CLEC17A: variants seen among roughly 807,000 people sequenced by gnomAD.
CLEC17A encodes the protein C-type lectin domain containing 17A.
Under a neutral mutation model 61.3 loss-of-function variants are expected in CLEC17A, and 37 were observed. The observed-to-expected ratio is 0.60, with a 90% confidence interval of 0.46 to 0.79. The LOEUF is 0.79. Among genes scored for constraint, CLEC17A ranks in the 30% least tolerant of loss-of-function variants. CLEC17A has a pLI of 0.00. For synonymous variants in CLEC17A, 168 were observed against 164.9 expected, an observed-to-expected ratio of 1.02 and a Z score of -0.14; for missense variants, 418 against 464.7, an observed-to-expected ratio of 0.90 and a Z score of 0.92.
At chr19:14,582,096 T>A (rs1264175949), upstream of CLEC17A, among the ~76,000 whole-genome samples, 3 of 152,218 alleles carry the variant, frequency 2.0e-5, no homozygotes, top group Admixed American at 6.5e-5. Context: ...GCAGTTGCAT[T>A]CTTTAGCATA....
intron 10 of CLEC17A, among the ~76,000 whole-genome samples, chr19:14,598,507 C>G (rs992200235): frequency 5.3e-5 from 8 of 150,352 alleles, no homozygotes; most frequent in African/African-American, 2.0e-4. Context: ...GAATTTTGCT[C>G]TTGTTGCCCA....
At chr19:14,583,599 C>T (rs550188546) in intron 2 of CLEC17A, among the ~76,000 whole-genome samples, 165 bp downstream of exon 2, 15 of 151,760 alleles carry the variant, frequency 9.9e-5, no homozygotes, top group Admixed American at 7.2e-4. Context: ...AGTCTGATGG[C>T]GGAGGTGGGT....
At chr19:14,582,136 A>G (rs1247606346), upstream of CLEC17A, among the ~76,000 whole-genome samples, 4 of 152,028 alleles carry the variant, frequency 2.6e-5, no homozygotes, top group East Asian at 1.9e-4. Flanking sequence ...CAAAGCCAGC[A>G]TAACTTTAGT....
intron 1 of CLEC17A, 64 bp from the exon 2 acceptor site, chr19:14,583,293 C>T (rs2074208610): frequency 6.2e-7 from 1 of 1,611,618 alleles, no homozygotes; most frequent in Non-Finnish European, 8.5e-7. Flanking sequence ...GAGGCAGAGA[C>T]CAGGGCTTGA....
chr19:14,594,362 A>C, intron 4 of CLEC17A, 155 bp from the exon 5 acceptor site: 1 of 877,294 alleles, frequency 1.1e-6, no homozygotes, highest in Non-Finnish European at 1.8e-6. Context: ...ACTTAATCCC[A>C]TCTCCATCCC....
In CLEC17A at chr19:14,607,088, T is replaced by C; in HGVS notation, c.990T>C (p.Ser330=). 1 of 1,306,944 alleles carries C rather than the reference T, an allele frequency of 7.7e-7. No homozygotes were observed. Among genetic ancestry groups the C allele is most frequent in the Non-Finnish European group, 9.8e-7 (1 of 1,021,766 alleles). The allele number at this position is 1,306,944 out of a possible 1,614,324, so 81.0% of individuals were successfully genotyped here. The change falls in exon 13 of 14, where the codon TCT becomes TCC. Residue 330 remains serine, a synonymous_variant. Coordinates refer to ENST00000417570, the MANE Select transcript of CLEC17A (RefSeq NM_001204118.2). ...GGGACTGGAGGTGGCTGGATGGGTC[T>C]CCTGTGACATTAAGGCAAGTGCTTG... ...QEGDWRWLDG[S]PVTLSFWEPE...
At chr19:14,599,833 T>A (rs1301990413) in intron 11 of CLEC17A, 21 bp downstream of exon 11, 34 of 1,595,934 alleles carry the variant, frequency 2.1e-5, no homozygotes, top group Non-Finnish European at 2.7e-5. Context: ...CTTGGGGAAT[T>A]GCCCAGGGAT....
chr19:14,592,381 G>A, intron 4 of CLEC17A, 23 bp downstream of exon 4: 1 of 1,610,660 alleles, frequency 6.2e-7, no homozygotes, highest in Non-Finnish European at 8.5e-7. Flanking sequence ...TTTGGAGTGT[G>A]ACCTGGGGGA....
intron 4 of CLEC17A, among the ~76,000 whole-genome samples, chr19:14,593,320 C>T (rs1380471956): frequency 1.1e-4 from 15 of 133,778 alleles, no homozygotes; most frequent in African/African-American, 3.8e-4. Flanking sequence ...TATAGCAAGA[C>T]GCCCATCTCT....
chr19:14,602,368 C>A (rs2074741161), intron 12 of CLEC17A, among the ~76,000 whole-genome samples: 2 of 152,264 alleles, frequency 1.3e-5, no homozygotes, highest in South Asian at 4.1e-4. Context: ...CAGCTCATGG[C>A]AGCCTTGGCC....
chr19:14,607,492 C>T (rs182455151), intron 13 of CLEC17A, among the ~76,000 whole-genome samples: 134 of 150,836 alleles, frequency 8.9e-4, no homozygotes, highest in Admixed American at 2.0e-3. Context: ...CGTGAGCCAC[C>T]GCGCCCGGCC....
chr19:14,607,064 G>A lies in CLEC17A; in HGVS notation c.966G>A (p.Gly322=). 3.0e-6 allele frequency: 4 copies of A among 1,347,274 alleles called. No individual in the cohort carries two copies. Among genetic ancestry groups the A allele is most frequent in the Non-Finnish European group, 2.9e-6 (3 of 1,042,062 alleles). 83.5% of individuals were successfully genotyped at this position (1,347,274 alleles called of 1,614,324 possible). ...WLGLNDRAQE[G]DWRWLDGSPV... ...GGCTGAATGACAGGGCCCAGGAAGG[G>A]GACTGGAGGTGGCTGGATGGGTCTC... Residue 322 remains glycine, a synonymous_variant, in exon 13 of 14, where the codon GGG becomes GGA. Coordinates refer to ENST00000417570, the MANE Select transcript of CLEC17A (RefSeq NM_001204118.2).
At chr19:14,607,559 T>C (rs1363314822) in intron 13 of CLEC17A, among the ~76,000 whole-genome samples, 1 of 141,298 alleles carries the variant, frequency 7.1e-6, no homozygotes, top group Non-Finnish European at 1.5e-5. Flanking sequence ...TATTATTTAT[T>C]TATTTATTTA....
intron 3 of CLEC17A, among the ~76,000 whole-genome samples, chr19:14,591,556 CTTT>C (rs143983644): frequency 7.3e-6 from 1 of 136,836 alleles, no homozygotes; most frequent in Non-Finnish European, 1.6e-5. Flanking sequence ...TCTCCTTCCT[CTTT>C]TTTTTTTTTT....
Position 14,610,053 on chromosome 19 carries a change from C to G in CLEC17A, c.1005-11C>G. On this transcript the variant is annotated splice_polypyrimidine_tract_variant and intron_variant, in intron 13 of 13. Coordinates refer to ENST00000417570, the MANE Select transcript of CLEC17A (RefSeq NM_001204118.2). Reference sequence around the variant, plus strand: ...ATCCCTGTCCCTCTGCCCACTTTTTCCTCCATCCAGCTTCTGGGAGCCAGA... The same window carrying G: ...ATCCCTGTCCCTCTGCCCACTTTTTGCTCCATCCAGCTTCTGGGAGCCAGA... 6.2e-7 allele frequency: 1 copy of G among 1,609,832 alleles called. No individual in the cohort carries two copies. Among genetic ancestry groups the G allele is most frequent in the African/African-American group, 1.3e-5 (1 of 74,870 alleles).
chr19:14,597,960 G>A (rs35690859), intron 10 of CLEC17A, among the ~76,000 whole-genome samples: 16,656 of 152,130 alleles, frequency 0.11, 1,033 homozygotes, highest in African/African-American at 0.15. Flanking sequence ...GGAAGAGTTC[G>A]TGGGGGAGTA....
chr19:14,606,723 G>GGTA (rs1316660392), intron 12 of CLEC17A, among the ~76,000 whole-genome samples: 1 of 151,774 alleles, frequency 6.6e-6, no homozygotes, highest in Non-Finnish European at 1.5e-5. Context: ...ACTACCAGGA[G>GGTA]GTAGCTACTG....
chr19:14,582,235 C>T (rs148150903), upstream of CLEC17A, among the ~76,000 whole-genome samples: 6,711 of 143,950 alleles, frequency 0.047, 489 homozygotes, highest in African/African-American at 0.16. Flanking sequence ...TTTTTTGAGA[C>T]GGAGTCTCGC....
At chr19:14,600,935 C>A (rs1379153341) in intron 12 of CLEC17A, among the ~76,000 whole-genome samples, 1 of 111,204 alleles carries the variant, frequency 9.0e-6, no homozygotes, top group African/African-American at 3.4e-5. Flanking sequence ...TGGAGTCTCA[C>A]TCTGTCACCC....
Sources: gnomAD v4.1 joint callset for allele counts (sites outside exome capture counted in the v4.1 genomes callset) on GRCh38, gnomAD v4.1.1 for gene constraint, MANE v1.5 for transcripts, NCBI Gene and HGNC (gene_info 2026-07-23, HGNC 2026-07-21) for gene names.